Variants in UNC13C observed in about 807,000 individuals in gnomAD.
The protein encoded by UNC13C is protein unc-13 homolog C.
Under a neutral mutation model 245.4 loss-of-function variants are expected in UNC13C, and 174 were observed. The ratio of observed to expected loss-of-function variants is 0.71; its 90% CI spans 0.63 to 0.80. The LOEUF is 0.80. Among genes scored for constraint, UNC13C ranks in the 30% least tolerant of loss-of-function variants. The probability of loss-of-function intolerance (pLI) is 0.00; values close to 1 mark genes in which losing one functional copy is unlikely to be tolerated. For missense variants in UNC13C, 2,829 were observed against 2,602.9 expected (o/e 1.09, Z -1.89); for synonymous variants, 992 against 895.1 (o/e 1.11, Z -1.93).
chr15:54,171,000 G>C (rs1210913517), intron 4 of UNC13C, among the ~76,000 whole-genome samples: 1 of 152,000 alleles, frequency 6.6e-6, no homozygotes, highest in Non-Finnish European at 1.5e-5. Context: ...CACAAGGATG[G>C]GCATATACAT....
chr15:54,488,475 C>A (rs1408613792), intron 19 of UNC13C, among the ~76,000 whole-genome samples: 1 of 152,076 alleles, frequency 6.6e-6, no homozygotes, highest in East Asian at 1.9e-4. Context: ...AAAATGATGT[C>A]ACAAAGTAAG....
At chr15:54,384,508 CA>C (rs538202386) in intron 17 of UNC13C, among the ~76,000 whole-genome samples, 97 of 152,048 alleles carry the variant, frequency 6.4e-4, no homozygotes, top group African/African-American at 2.2e-3. Context: ...AAAGGCAACT[CA>C]ATATGAACAT....
In UNC13C at chr15:54,494,697, C is replaced by A; in HGVS notation, c.5023C>A (p.Leu1675Ile). Residue 1675 changes from leucine to isoleucine, a missense_variant, in exon 20 of 33, where the codon CTT (leucine) becomes ATT (isoleucine). Transcript: ENST00000260323. Reference protein sequence around the residue: ...KWFYNEYVRELPAFKDAVPEY... With the variant: ...KWFYNEYVREIPAFKDAVPEY... ...GTTTTATAATGAATATGTGCGTGAACTTCCTGCCTTCAAGGATGCTGTTCC... is the reference window on the plus strand; with the variant it reads ...GTTTTATAATGAATATGTGCGTGAAATTCCTGCCTTCAAGGATGCTGTTCC... 1 of 1,611,058 alleles carries A rather than the reference C, an allele frequency of 6.2e-7. No individual in the cohort carries two copies. Among genetic ancestry groups the A allele is most frequent in the Non-Finnish European group, 8.5e-7 (1 of 1,178,542 alleles).
rs551066768 is a variant in UNC13C at position 54,557,192 on chromosome 15, G to T, written c.5958+1680G>T. On this transcript the variant is annotated intron_variant, in intron 29 of 32. Transcript: ENST00000260323. The stretch of plus-strand genomic sequence containing the variant: ...TAAATGGGTCCATGCCATTTGTCTT[G>T]TTTCTCCAGGACTGGAGTCTGACTC... Among the ~76,000 whole-genome samples, 5 of 152,022 alleles carry T rather than the reference G, an allele frequency of 3.3e-5. No individual in the cohort carries two copies. In the East Asian group the frequency reaches 9.7e-4, roughly 30 times the overall value.
intron 2 of UNC13C, among the ~76,000 whole-genome samples, chr15:54,122,614 C>T (rs1055345191): frequency 1.3e-5 from 2 of 151,988 alleles, no homozygotes; most frequent in Non-Finnish European, 2.9e-5. Flanking sequence ...ACAGAATGTT[C>T]TGTCATGCCC....
intron 30 of UNC13C, among the ~76,000 whole-genome samples, chr15:54,614,368 C>A (rs995167804): frequency 1.3e-5 from 2 of 151,902 alleles, no homozygotes; most frequent in African/African-American, 4.8e-5. Flanking sequence ...ACTCTATAGG[C>A]ATCTATTCAA....
chr15:54,229,896 C>T (rs892872819), intron 4 of UNC13C, among the ~76,000 whole-genome samples: 1 of 152,030 alleles, frequency 6.6e-6, no homozygotes, highest in Non-Finnish European at 1.5e-5. Flanking sequence ...CTATGGATGG[C>T]TTATTTCACT....
At chr15:54,233,478 T>C (rs770577231) in intron 4 of UNC13C, among the ~76,000 whole-genome samples, 1 of 152,228 alleles carries the variant, frequency 6.6e-6, no homozygotes. Flanking sequence ...GCTCACTGCA[T>C]TTGATCCTCA....
chr15:54,550,056 A>G (rs1391029533), intron 28 of UNC13C, among the ~76,000 whole-genome samples: 2 of 152,178 alleles, frequency 1.3e-5, no homozygotes, highest in East Asian at 1.9e-4. Flanking sequence ...CAATACCATT[A>G]CAAGTGGGAG....
At chr15:54,093,547 A>C (rs1899684214) in intron 2 of UNC13C, among the ~76,000 whole-genome samples, 2 of 152,258 alleles carry the variant, frequency 1.3e-5, no homozygotes, top group South Asian at 4.1e-4. Context: ...TTTTATTTTT[A>C]AATGAATTTT....
At chr15:53,873,638 A>G in the UNC13C span, among the ~76,000 whole-genome samples, 15 of 116,546 alleles carry the variant, frequency 1.3e-4, no homozygotes, top group Non-Finnish European at 2.7e-4. Context: ...ACCCTGATGC[A>G]CGAAGTGATT....
intron 2 of UNC13C, among the ~76,000 whole-genome samples, chr15:54,088,029 A>T (rs1197984237): frequency 6.6e-6 from 1 of 151,896 alleles, no homozygotes; most frequent in Admixed American, 6.6e-5. Flanking sequence ...CCTACAAGTA[A>T]CACCTATATA....
At chr15:54,079,527 C>T (rs1031298631) in intron 2 of UNC13C, among the ~76,000 whole-genome samples, 1 of 151,826 alleles carries the variant, frequency 6.6e-6, no homozygotes, top group Non-Finnish European at 1.5e-5. Context: ...TCTTTTACCT[C>T]TTGGTTAGAT....
chr15:54,085,357 C>A (rs1396273459), intron 2 of UNC13C, among the ~76,000 whole-genome samples: 1 of 152,080 alleles, frequency 6.6e-6, no homozygotes. Flanking sequence ...ACATTAGAGT[C>A]CAGAGTCTTA....
chr15:53,941,866 A>G, the UNC13C span, among the ~76,000 whole-genome samples: 1 of 152,194 alleles, frequency 6.6e-6, no homozygotes, highest in Non-Finnish European at 1.5e-5. Flanking sequence ...ATGCCATCTC[A>G]TGCCATACAG....
intron 2 of UNC13C, among the ~76,000 whole-genome samples, chr15:54,113,354 A>G (rs1355032262): frequency 1.3e-5 from 2 of 152,224 alleles, no homozygotes; most frequent in Non-Finnish European, 2.9e-5. Flanking sequence ...TGGGAAAATC[A>G]GCATATTTTA....
At chr15:53,909,620 C>A in the UNC13C span, among the ~76,000 whole-genome samples, 2 of 146,620 alleles carry the variant, frequency 1.4e-5, no homozygotes, top group African/African-American at 4.9e-5. Flanking sequence ...GTGGTGCATG[C>A]CTGTAGTCCC....
At chr15:54,073,601 G>T (rs1175200115) in intron 2 of UNC13C, among the ~76,000 whole-genome samples, 3 of 152,222 alleles carry the variant, frequency 2.0e-5, no homozygotes, top group Non-Finnish European at 4.4e-5. Context: ...GCATCTCATT[G>T]TGGTTTTCAT....
intron 8 of UNC13C, among the ~76,000 whole-genome samples, chr15:54,260,023 T>G (rs1330461330): frequency 4.6e-5 from 7 of 151,872 alleles, no homozygotes; most frequent in Non-Finnish European, 8.8e-5. Context: ...AAATATCCAA[T>G]TATGCCAATC....
Sources: allele counts gnomAD v4.1 joint callset (sites outside exome capture counted in the v4.1 genomes callset), GRCh38; gene constraint gnomAD v4.1.1; transcripts MANE v1.5; gene names NCBI Gene and HGNC (gene_info 2026-07-23, HGNC 2026-07-21).